OPCML: variants seen among roughly 807,000 people sequenced by gnomAD.
OPCML encodes opioid-binding protein/cell adhesion molecule.
In OPCML, 13 loss-of-function variants were observed where a neutral mutation model predicts 37.8. The observed-to-expected ratio is 0.34, with a 90% CI of 0.22 to 0.55. The LOEUF (loss-of-function observed/expected upper bound fraction) is 0.55. Among genes scored for constraint, OPCML ranks in the 20% least tolerant of loss-of-function variants. OPCML has a pLI of 0.91. For missense variants in OPCML, 341 were observed against 435.6 expected (o/e 0.78, Z 1.93); for synonymous variants, 176 against 168.8 (o/e 1.04, Z -0.33).
intron 4 of OPCML, among the ~76,000 whole-genome samples, chr11:132,510,472 T>G (rs2096266524): frequency 1.3e-5 from 2 of 152,160 alleles, no homozygotes; most frequent in East Asian, 3.9e-4. Context: ...AATCTCATCT[T>G]GAATTGTATC....
intron 1 of OPCML, among the ~76,000 whole-genome samples, chr11:133,154,295 A>G (rs1263077762): frequency 6.6e-6 from 1 of 152,032 alleles, no homozygotes; most frequent in Non-Finnish European, 1.5e-5. Context: ...AAGCCACAAA[A>G]TGAGGGTTCT....
intron 1 of OPCML, among the ~76,000 whole-genome samples, chr11:133,030,923 T>C (rs1407533710): frequency 6.6e-6 from 1 of 152,118 alleles, no homozygotes; most frequent in African/African-American, 2.4e-5. Context: ...ACAATATATA[T>C]TTAAAAGTCT....
chr11:132,551,868 C>G lies in OPCML; in HGVS notation c.380-22682G>C, dbSNP rs575279902. On this transcript the variant is annotated intron_variant, in intron 3 of 7. Coordinates refer to ENST00000524381, the MANE Select transcript of OPCML (RefSeq NM_001012393.5). ...GCCGGCTCTGCGTGAATTACTCTTT[C>G]TCTCTTGCAATTCCCCTGTCTTGAT... 1.7e-4 allele frequency among the ~76,000 whole-genome samples: 26 copies of G among 152,320 alleles called. No homozygotes were observed. In the South Asian group the frequency reaches 2.1e-3, roughly 12 times the overall value.
chr11:133,109,946 A>G (rs1949224729), intron 1 of OPCML, among the ~76,000 whole-genome samples: 1 of 152,228 alleles, frequency 6.6e-6, no homozygotes, highest in Non-Finnish European at 1.5e-5. Flanking sequence ...AAGCCCAGCA[A>G]TTTTGAACCA....
intron 4 of OPCML, among the ~76,000 whole-genome samples, chr11:132,466,631 T>A (rs2096120990): frequency 6.6e-6 from 1 of 152,226 alleles, no homozygotes; most frequent in Non-Finnish European, 1.5e-5. Context: ...AGTCCAAGAT[T>A]TTCTTTCTTC....
intron 1 of OPCML, among the ~76,000 whole-genome samples, chr11:133,244,701 A>ACTCACTCT (rs1555121845): frequency 1.6e-4 from 24 of 151,110 alleles, no homozygotes; most frequent in African/African-American, 4.4e-4. Context: ...TTGCTCACTC[A>ACTCACTCT]CTCTCTCTCT....
chr11:132,565,966 G>T (rs2096422029), intron 3 of OPCML, among the ~76,000 whole-genome samples: 1 of 152,222 alleles, frequency 6.6e-6, no homozygotes, highest in Non-Finnish European at 1.5e-5. Flanking sequence ...CCAGGAGGTG[G>T]AGGTTGCAGT....
At chr11:133,200,988 G>A (rs1227335601) in intron 1 of OPCML, among the ~76,000 whole-genome samples, 1 of 152,178 alleles carries the variant, frequency 6.6e-6, no homozygotes, top group Non-Finnish European at 1.5e-5. Context: ...AGAAACATGG[G>A]TTTAGCTGGA....
chr11:132,570,054 T>G (rs1474354157), intron 3 of OPCML, among the ~76,000 whole-genome samples: 2 of 152,084 alleles, frequency 1.3e-5, no homozygotes, highest in African/African-American at 4.8e-5. Flanking sequence ...TTCTAAAAAT[T>G]TATTATAATC....
intron 2 of OPCML, among the ~76,000 whole-genome samples, chr11:132,891,860 A>C (rs1325236764): frequency 1.3e-5 from 2 of 152,110 alleles, no homozygotes; most frequent in Non-Finnish European, 2.9e-5. Flanking sequence ...GTTCCCTGTA[A>C]ACATCCTCTC....
chr11:133,002,089 T>G (rs1011163349), intron 1 of OPCML, among the ~76,000 whole-genome samples: 1 of 152,132 alleles, frequency 6.6e-6, no homozygotes, highest in African/African-American at 2.4e-5. Flanking sequence ...TCTCTTGAGA[T>G]CAAGACAGGA....
chr11:133,016,544 C>T (rs1365744118), intron 1 of OPCML, among the ~76,000 whole-genome samples: 1 of 152,208 alleles, frequency 6.6e-6, no homozygotes, highest in African/African-American at 2.4e-5. Context: ...ACTGAGCCCA[C>T]TTGGATAATC....
intron 1 of OPCML, among the ~76,000 whole-genome samples, chr11:133,202,905 A>C (rs2136322627): frequency 6.6e-6 from 1 of 152,344 alleles, no homozygotes; most frequent in East Asian, 1.9e-4. Flanking sequence ...GCTTCTGCTT[A>C]CCAGCAGTGT....
At chr11:132,884,607 A>C (rs1943340110) in intron 2 of OPCML, among the ~76,000 whole-genome samples, 1 of 152,252 alleles carries the variant, frequency 6.6e-6, no homozygotes, top group Non-Finnish European at 1.5e-5. Flanking sequence ...GAACATCACA[A>C]GTTACAAAAT....
chr11:133,108,245 C>T (rs1949191487), intron 1 of OPCML, among the ~76,000 whole-genome samples: 2 of 152,126 alleles, frequency 1.3e-5, no homozygotes, highest in Admixed American at 1.3e-4. Context: ...AGAATTGCTG[C>T]GAATTAATAT....
Position 133,280,208 on chromosome 11 carries a change from C to G in OPCML, c.61+252056G>C, listed in dbSNP as rs541345952. 1.1e-4 allele frequency among the ~76,000 whole-genome samples: 17 copies of G among 152,334 alleles called. No individual in the cohort carries two copies. In the South Asian group the frequency reaches 3.5e-3, roughly 32 times the overall value. On this transcript the variant is annotated intron_variant, in intron 1 of 7. Coordinates refer to ENST00000524381, the MANE Select transcript of OPCML (RefSeq NM_001012393.5). Reference sequence around the variant, plus strand: ...CATTGTATCTTTCCATTTACTTAAGCCTTGCAAATAAATTCTGTCTCTTTA... The same window carrying G: ...CATTGTATCTTTCCATTTACTTAAGGCTTGCAAATAAATTCTGTCTCTTTA...
rs1371745462 is a variant in OPCML at position 133,434,800 on chromosome 11, A to ATG, written c.61+97463_61+97464insCA. Among the ~76,000 whole-genome samples, 12 of 70,778 alleles carry ATG rather than the reference A, an allele frequency of 1.7e-4. No homozygotes were observed. In the South Asian group the frequency reaches 3.5e-3, roughly 21 times the overall value. The allele number at this position is 70,778 out of a possible 152,430, so 46.4% of individuals were successfully genotyped here. A position where few individuals can be genotyped will look rare whatever the true frequency, so the allele number is the denominator to read the frequency against. On this transcript the variant is annotated intron_variant, in intron 1 of 7. Coordinates refer to ENST00000524381, the MANE Select transcript of OPCML (RefSeq NM_001012393.5). The stretch of plus-strand genomic sequence containing the variant: ...CAGAAAAAAAAAATTATATATATGT[A>ATG]TATATATATATATATATATATATAC...
intron 1 of OPCML, among the ~76,000 whole-genome samples, chr11:133,481,579 A>G (rs1034839063): frequency 1.3e-5 from 2 of 152,226 alleles, no homozygotes; most frequent in Non-Finnish European, 2.9e-5. Context: ...ACAAAAGATC[A>G]TGTATCTTAA....
At chr11:132,847,688 A>G (rs1196756761) in intron 2 of OPCML, among the ~76,000 whole-genome samples, 1 of 152,172 alleles carries the variant, frequency 6.6e-6, no homozygotes, top group Non-Finnish European at 1.5e-5. Flanking sequence ...TTGGTCAGGT[A>G]TCTGAGCCTG....
Sources: gnomAD v4.1 joint callset for allele counts (sites outside exome capture counted in the v4.1 genomes callset) on GRCh38, gnomAD v4.1.1 for gene constraint, MANE v1.5 for transcripts, NCBI Gene and HGNC (gene_info 2026-07-23, HGNC 2026-07-21) for gene names.